The following USO1 variants were observed in gnomAD, a reference collection of about 807,000 sequenced individuals.
USO1 encodes the protein general vesicular transport factor p115.
A neutral mutation model predicts 124.5 loss-of-function variants in USO1; 57 were observed. The observed-to-expected ratio is 0.46, with a 90% CI of 0.37 to 0.57. USO1 has a LOEUF of 0.57. Ranked by LOEUF, USO1 falls within the 20% of genes least tolerant of loss-of-function variation. USO1 has a pLI of 0.00. For missense variants in USO1, 900 were observed against 1,040.6 expected (o/e 0.86, Z 1.86); for synonymous variants, 369 against 362.8 (o/e 1.02, Z -0.19).
intron 4 of USO1, among the ~76,000 whole-genome samples, chr4:75,760,067 C>T (rs535402763): frequency 1.3e-5 from 2 of 151,992 alleles, no homozygotes; most frequent in African/African-American, 2.4e-5. Context: ...CCAAAATTAG[C>T]CGGGCGTGGT....
At chr4:75,755,653 A>G (rs1467595142) in intron 3 of USO1, among the ~76,000 whole-genome samples, 1 of 152,174 alleles carries the variant, frequency 6.6e-6, no homozygotes, top group African/African-American at 2.4e-5. Context: ...CACTAAGTCT[A>G]ATGCATTTGA....
chr4:75,793,666 A>G (rs532563828), intron 12 of USO1, 24 bp from the exon 13 acceptor site: 3 of 1,573,762 alleles, frequency 1.9e-6, no homozygotes, highest in East Asian at 2.3e-5. Flanking sequence ...ATATATTTTT[A>G]TTGTCTGCCT....
Position 75,804,228 on chromosome 4 carries a change from T to C in USO1, c.2081T>C (p.Ile694Thr), listed in dbSNP as rs1405016171. 1 of 1,613,610 alleles carries C rather than the reference T, an allele frequency of 6.2e-7. No homozygotes were observed. The change falls in exon 18 of 24, where the codon ATC (isoleucine) becomes ACC (threonine). Residue 694 changes from isoleucine to threonine, a missense_variant. Ile to Thr is a moderately conservative substitution (Grantham distance 89). Transcript: ENST00000514213. ...QTAVTQQVSQ[I>T]QQHKDQYNLL... is the part of the protein sequence containing the mutation. ...GCAGTCACACAGCAAGTATCACAGA[T>C]CCAGCAGCACAAAGACCAGTATAAT...
intron 9 of USO1, among the ~76,000 whole-genome samples, chr4:75,784,839 C>T (rs1232382249): frequency 6.6e-6 from 1 of 151,066 alleles, no homozygotes; most frequent in South Asian, 2.1e-4. Flanking sequence ...AGCATGTAAA[C>T]AGAAAAATAC....
Position 75,724,705 on chromosome 4 carries a change from G to A in USO1, c.-115G>A. On this transcript the variant is annotated 5_prime_UTR_variant, in exon 1 of 24. It introduces an in-frame stop codon into an upstream open reading frame of the 5' UTR. Coordinates refer to ENST00000514213, the MANE Select transcript of USO1 (RefSeq NM_003715.4). ...GGCCGCCGAGTTGGAGGCGGTGGTG[G>A]CAGCAGTAGGAGTGTGTAGAGTGCG... 9.7e-7 allele frequency: 1 copy of A among 1,026,492 alleles called. No individual in the cohort carries two copies. The highest frequency in any genetic ancestry group is 1.4e-6 in the Non-Finnish European group (1 of 708,284). 63.6% of individuals were successfully genotyped at this position (1,026,492 alleles called of 1,614,324 possible). A position where few individuals can be genotyped will look rare whatever the true frequency, so the allele number is the denominator to read the frequency against.
chr4:75,795,924 GTTTTGT>G (rs1258967040), intron 13 of USO1, among the ~76,000 whole-genome samples: 1 of 151,502 alleles, frequency 6.6e-6, no homozygotes, highest in Non-Finnish European at 1.5e-5. Flanking sequence ...TTTTTGTTTT[GTTTTGT>G]TTTGTTTTGT....
chr4:75,733,935 ATTTTTTT>A (rs869308522), intron 1 of USO1, among the ~76,000 whole-genome samples: 89 of 77,094 alleles, frequency 1.2e-3, no homozygotes, highest in South Asian at 6.4e-3. Context: ...TTCTTCGAGG[ATTTTTTT>A]TTTTTTTTTT....
intron 1 of USO1, among the ~76,000 whole-genome samples, chr4:75,727,434 T>A (rs1720497400): frequency 6.6e-6 from 1 of 152,242 alleles, no homozygotes; most frequent in African/African-American, 2.4e-5. Flanking sequence ...CTATTTTTTC[T>A]TTTTAATCAC....
chr4:75,755,093 T>TGATATGGCAACTGCTC (rs1285183005), intron 3 of USO1, among the ~76,000 whole-genome samples: 1 of 152,192 alleles, frequency 6.6e-6, no homozygotes, highest in Non-Finnish European at 1.5e-5. Context: ...TAAGGCTGTT[T>TGATATGGCAACTGCTC]GATATGGCAA....
chr4:75,813,061 C>A (rs530756650), intron 23 of USO1, 145 bp from the exon 24 acceptor site: 9 of 744,492 alleles, frequency 1.2e-5, no homozygotes, highest in Admixed American at 4.2e-5. Flanking sequence ...TGCAGTGAGC[C>A]GAGATCGCAC....
At chr4:75,771,039 A>AT (rs1174801387) in intron 6 of USO1, 43 bp from the exon 7 acceptor site, 8 of 1,598,868 alleles carry the variant, frequency 5.0e-6, no homozygotes, top group African/African-American at 1.4e-5. Context: ...CACTATTTGT[A>AT]TTTTTGGTCT....
At chr4:75,798,847 G>C (rs1358018834) in intron 13 of USO1, among the ~76,000 whole-genome samples, 2 of 151,744 alleles carry the variant, frequency 1.3e-5, no homozygotes, top group African/African-American at 4.8e-5. Flanking sequence ...TTTAAAAAAA[G>C]ATACAGGTTA....
chr4:75,780,766 G>C (rs959534376), intron 8 of USO1, among the ~76,000 whole-genome samples: 3 of 142,738 alleles, frequency 2.1e-5, no homozygotes, highest in African/African-American at 7.8e-5. Flanking sequence ...TCGTACCTCA[G>C]CCTCGTGAGT....
intron 4 of USO1, among the ~76,000 whole-genome samples, chr4:75,757,888 G>A (rs932967522): frequency 1.3e-5 from 2 of 151,864 alleles, no homozygotes; most frequent in African/African-American, 4.8e-5. Context: ...ATTATTTATG[G>A]CTATTGATTG....
chr4:75,747,667 T>G (rs1253748252), intron 1 of USO1, among the ~76,000 whole-genome samples: 1 of 142,128 alleles, frequency 7.0e-6, no homozygotes, highest in Non-Finnish European at 1.5e-5. Context: ...TGGAGTGCAG[T>G]GGCGCAATCT....
At chr4:75,725,967 A>T (rs1309301034) in intron 1 of USO1, among the ~76,000 whole-genome samples, 6 of 152,172 alleles carry the variant, frequency 3.9e-5, no homozygotes, top group Admixed American at 3.9e-4. Context: ...CTCACCTTAA[A>T]AGTCAAAAAA....
At position 75,795,791 on chromosome 4, in the gene USO1, T is replaced by C. The variant is rs542918703; in HGVS notation, c.1452+1890T>C. Among the ~76,000 whole-genome samples the C allele has an allele frequency of 8.2e-4, 125 of 152,318 alleles. 1 individual carries two copies. Among genetic ancestry groups the C allele is most frequent in the Non-Finnish European group, 1.5e-3 (102 of 68,038 alleles). ...ATACTAGATTATTTAAAATGTGCAATAGTAAGTATAATTTTATAATTTGAA... is the reference window on the plus strand; with the variant it reads ...ATACTAGATTATTTAAAATGTGCAACAGTAAGTATAATTTTATAATTTGAA... On this transcript the variant is annotated intron_variant, in intron 13 of 23. Coordinates refer to ENST00000514213, the MANE Select transcript of USO1 (RefSeq NM_003715.4).
At chr4:75,801,725 T>C (rs943441543) in intron 17 of USO1, among the ~76,000 whole-genome samples, 4 of 152,216 alleles carry the variant, frequency 2.6e-5, no homozygotes, top group African/African-American at 4.8e-5. Flanking sequence ...GTGCACAGTT[T>C]ATGGCAGGTG....
chr4:75,765,440 A>G (rs1721743764), intron 4 of USO1, among the ~76,000 whole-genome samples: 2 of 152,166 alleles, frequency 1.3e-5, no homozygotes, highest in African/African-American at 4.8e-5. Flanking sequence ...TTGGGTATGT[A>G]ACATTTACCA....
Sources: gnomAD v4.1 joint callset for allele counts (sites outside exome capture counted in the v4.1 genomes callset) on GRCh38, gnomAD v4.1.1 for gene constraint, MANE v1.5 for transcripts, NCBI Gene and HGNC (gene_info 2026-07-23, HGNC 2026-07-21) for gene names.